Variants in ARMH4 observed in about 807,000 individuals in gnomAD.
The protein encoded by ARMH4 is armadillo like helical domain containing 4.
In ARMH4, 49 loss-of-function variants were observed where a neutral mutation model predicts 61.9. The observed-to-expected ratio is 0.79, with a 90% CI of 0.63 to 1.00. The LOEUF is 1.00. Ranked by LOEUF, ARMH4 falls within the 50% of genes least tolerant of loss-of-function variation. The pLI is 0.00. For missense variants in ARMH4, 934 were observed against 930.0 expected (o/e 1.00, Z -0.06); for synonymous variants, 368 against 341.5 (o/e 1.08, Z -0.85).
At chr14:58,071,681 A>G (rs528653715) in intron 5 of ARMH4, among the ~76,000 whole-genome samples, 2 of 152,346 alleles carry the variant, frequency 1.3e-5, no homozygotes, top group African/African-American at 4.8e-5. Flanking sequence ...ATATGCTAAT[A>G]AAATAATCAA....
At chr14:58,110,624 TG>T (rs1479406696) in intron 4 of ARMH4, among the ~76,000 whole-genome samples, 1 of 152,228 alleles carries the variant, frequency 6.6e-6, no homozygotes, top group Non-Finnish European at 1.5e-5. Context: ...TTCAAAAGTA[TG>T]GGGCAATTTA....
rs372290709 is a variant in ARMH4, at chr14:58,035,388, G to A, written c.2090-23238C>T. Among the ~76,000 whole-genome samples, 448 of 75,508 alleles carry A rather than the reference G, an allele frequency of 5.9e-3. 6 individuals are homozygous for A. Among genetic ancestry groups the A allele is most frequent in the African/African-American group, 0.024 (413 of 17,262 alleles). 49.5% of individuals were successfully genotyped at this position (75,508 alleles called of 152,430 possible). A position where few individuals can be genotyped will look rare whatever the true frequency, so the allele number is the denominator to read the frequency against. On this transcript the variant is annotated intron_variant, in intron 5 of 7. Coordinates refer to ENST00000267485, the MANE Select transcript of ARMH4 (RefSeq NM_001001872.4). ...CACCACATACCAGAATCTCTGGGAC[G>A]CATTCAAAGCAGTGTGTAGAGGGAA...
chr14:58,133,458 G>T, intron 2 of ARMH4, 117 bp from the exon 3 acceptor site: 1 of 954,318 alleles, frequency 1.0e-6, no homozygotes, highest in African/African-American at 1.7e-5. Context: ...CAGGAACTGG[G>T]GAAGCAAAGA....
chr14:58,079,902 C>A (rs1885163679), intron 5 of ARMH4, among the ~76,000 whole-genome samples: 1 of 152,026 alleles, frequency 6.6e-6, no homozygotes, highest in Non-Finnish European at 1.5e-5. Context: ...AAATTCCACA[C>A]AACTTATAAA....
At chr14:58,072,680 C>T (rs1317480430) in intron 5 of ARMH4, among the ~76,000 whole-genome samples, 6 of 152,090 alleles carry the variant, frequency 3.9e-5, no homozygotes, top group Non-Finnish European at 4.4e-5. Context: ...CGAGATCGCA[C>T]CACTGCATTC....
intron 5 of ARMH4, among the ~76,000 whole-genome samples, chr14:58,017,747 T>G (rs8019695): frequency 1.3e-5 from 2 of 152,020 alleles, no homozygotes; most frequent in Admixed American, 6.5e-5. Context: ...AAAATCCCAA[T>G]GACATTTTTC....
Position 58,045,495 on chromosome 14 carries a change from G to A in ARMH4, c.2090-33345C>T, listed in dbSNP as rs537595839. Among the ~76,000 whole-genome samples the A allele has an allele frequency of 3.3e-5, 5 of 152,118 alleles. No individual in the cohort carries two copies. In the East Asian group the frequency reaches 9.6e-4, roughly 29 times the overall value. ...GGGGAGTGGGGAGGGATAGCATTAG[G>A]AGATATACCTAATGTAAATGACGAG... On this transcript the variant is annotated intron_variant, in intron 5 of 7. Transcript: ENST00000267485.
intron 4 of ARMH4, among the ~76,000 whole-genome samples, chr14:58,113,806 AAAATTATATTTATATTTCT>A (rs1343446460): frequency 1.3e-5 from 2 of 151,886 alleles, no homozygotes; most frequent in Non-Finnish European, 1.5e-5. Flanking sequence ...TTTTTCCCAA[AAAATTATATTTATATTTCT>A]AAATTATATT....
intron 5 of ARMH4, among the ~76,000 whole-genome samples, chr14:58,076,196 G>A (rs899637522): frequency 6.6e-6 from 1 of 152,108 alleles, no homozygotes; most frequent in African/African-American, 2.4e-5. Context: ...AGCAGAGTAA[G>A]TTTCCAGGCC....
At chr14:58,123,469 G>A (rs1886796524) in intron 4 of ARMH4, among the ~76,000 whole-genome samples, 1 of 152,096 alleles carries the variant, frequency 6.6e-6, no homozygotes, top group Non-Finnish European at 1.5e-5. Context: ...AATAGCCCCT[G>A]CAATACTCCA....
Position 58,139,290 on chromosome 14 carries a change from T to C in ARMH4, c.69A>G (p.Thr23=). The part of the protein sequence containing the change: ...FCSLLLFSVA[T]QCLAFPKIER... ...CTATTTTGGGGAAGGCCAGACATTG[T>C]GTGGCAACGCTGAAAAGCAGAAGGC... Residue 23 remains threonine, a synonymous_variant, in exon 2 of 8, where the codon ACA becomes ACG. Coordinates refer to ENST00000267485, the MANE Select transcript of ARMH4 (RefSeq NM_001001872.4). The C allele has an allele frequency of 6.2e-7, 1 of 1,614,210 alleles. No individual in the cohort carries two copies. The highest frequency in any genetic ancestry group is 8.5e-7 in the Non-Finnish European group (1 of 1,180,038).
intron 5 of ARMH4, among the ~76,000 whole-genome samples, chr14:58,083,040 G>A (rs998585471): frequency 4.6e-5 from 7 of 152,164 alleles, no homozygotes; most frequent in African/African-American, 1.7e-4. Flanking sequence ...CAGTGAAGTT[G>A]CATAGGTCCA....
chr14:58,063,949 G>C (rs1884617183), intron 5 of ARMH4, among the ~76,000 whole-genome samples: 1 of 152,212 alleles, frequency 6.6e-6, no homozygotes, highest in African/African-American at 2.4e-5. Context: ...GGAAATAGCA[G>C]TGAAAGGAAG....
intron 5 of ARMH4, among the ~76,000 whole-genome samples, chr14:58,077,308 G>T (rs1885079026): frequency 6.6e-6 from 1 of 152,178 alleles, no homozygotes; most frequent in South Asian, 2.1e-4. Context: ...AAAAAATTAG[G>T]TAGAATAAGA....
intron 3 of ARMH4, among the ~76,000 whole-genome samples, chr14:58,132,521 C>G (rs976897129): frequency 6.7e-6 from 1 of 150,058 alleles, no homozygotes; most frequent in East Asian, 2.0e-4. Context: ...GGGGGTCTGG[C>G]CTTTGAGGAC....
chr14:58,013,664 GTCAGATTATGC>G (rs1404565597), intron 5 of ARMH4, among the ~76,000 whole-genome samples: 26 of 152,242 alleles, frequency 1.7e-4, no homozygotes, highest in East Asian at 1.4e-3. Flanking sequence ...TGAAAGTCAG[GTCAGATTATGC>G]TCAGGGAAAA....
chr14:58,038,576 AG>A (rs1566551526), intron 5 of ARMH4, among the ~76,000 whole-genome samples: 3 of 151,408 alleles, frequency 2.0e-5, no homozygotes, highest in South Asian at 4.2e-4. Context: ...AAAAAAAAAA[AG>A]AAATACTTAA....
At chr14:58,133,457 G>T in intron 2 of ARMH4, 116 bp from the exon 3 acceptor site, 3 of 951,812 alleles carry the variant, frequency 3.2e-6, no homozygotes, top group East Asian at 2.6e-5. Flanking sequence ...TCAGGAACTG[G>T]GGAAGCAAAG....
Position 58,103,858 on chromosome 14 carries a change from G to A in ARMH4, c.1832-6877C>T, listed in dbSNP as rs1373755045. The stretch of plus-strand genomic sequence containing the variant: ...AAAACAATTGTGACTATATAATCCT[G>A]ATCTCCTAGGATCACTGTTCTCTGA... On this transcript the variant is annotated intron_variant, in intron 4 of 7. Transcript: ENST00000267485. Among the ~76,000 whole-genome samples, 26 of 152,054 alleles carry A rather than the reference G, an allele frequency of 1.7e-4. 1 individual carries two copies. The highest frequency in any genetic ancestry group is 2.9e-5 in the Non-Finnish European group (2 of 68,020).
Sources: gnomAD v4.1 joint callset for allele counts (sites outside exome capture counted in the v4.1 genomes callset) on GRCh38, gnomAD v4.1.1 for gene constraint, MANE v1.5 for transcripts, NCBI Gene and HGNC (gene_info 2026-07-23, HGNC 2026-07-21) for gene names.